The following RFC1 variants were observed in gnomAD, a reference collection of about 807,000 sequenced individuals.
The protein encoded by RFC1 is replication factor C subunit 1, also known as A1 140 kDa subunit.
A neutral mutation model predicts 137.4 loss-of-function variants in RFC1; 37 were observed. The observed-to-expected ratio is 0.27, with a 90% CI of 0.21 to 0.35. The LOEUF is 0.35. RFC1 is among the 10% of genes least tolerant of loss of function. The pLI is 1.00. For synonymous variants in RFC1, 429 were observed against 455.7 expected, an observed-to-expected ratio of 0.94 and a Z score of 0.75; for missense variants, 1,205 against 1,358.5, an observed-to-expected ratio of 0.89 and a Z score of 1.78.
Position 39,322,831 on chromosome 4 carries a change from C to T in RFC1, c.720+509G>A, listed in dbSNP as rs182676695. On this transcript the variant is annotated intron_variant, in intron 7 of 24. Coordinates refer to ENST00000349703, the MANE Select transcript of RFC1 (RefSeq NM_002913.5). ...AGGCATGGTAGCTCACATCTATAAT[C>T]CTAGCACTTTGAGAGGCTGAGGCAG... is the stretch of plus-strand genomic sequence containing the variant. Among the ~76,000 whole-genome samples the T allele has an allele frequency of 1.2e-3, 180 of 151,770 alleles. 1 individual carries two copies. The highest frequency in any genetic ancestry group is 2.2e-3 in the Admixed American group (33 of 15,246).
chr4:39,304,090 C>T (rs1738510213), intron 15 of RFC1, among the ~76,000 whole-genome samples: 1 of 152,212 alleles, frequency 6.6e-6, no homozygotes, highest in Admixed American at 6.5e-5. Context: ...CCACCAGCCA[C>T]GTCTAAGAGT....
At chr4:39,322,545 A>C (rs1301329013) in intron 7 of RFC1, 2 of 152,246 alleles carry the variant, frequency 1.3e-5, no homozygotes, top group African/African-American at 4.8e-5. Context: ...GAAGTTATTA[A>C]ACTTGTGTTC....
Position 39,355,098 on chromosome 4 carries a change from TACACACACACAC to T in RFC1, c.4-3634_4-3623del, listed in dbSNP as rs59438877. ...CTCATCTCAAAAAAAAAAAAAAAAA[TACACACACACAC>T]ACACACACACACACACACACACACA... On this transcript the variant is annotated intron_variant, in intron 1 of 24. Coordinates refer to ENST00000349703, the MANE Select transcript of RFC1 (RefSeq NM_002913.5). Among the ~76,000 whole-genome samples the T allele has an allele frequency of 6.0e-3, 532 of 88,946 alleles. 10 individuals are homozygous for T. In the South Asian group the frequency reaches 0.061, roughly 10 times the overall value. 58.4% of individuals were successfully genotyped at this position (88,946 alleles called of 152,430 possible). A position where few individuals can be genotyped will look rare whatever the true frequency, so the allele number is the denominator to read the frequency against.
chr4:39,308,828 C>T lies in RFC1; in HGVS notation c.1693G>A (p.Gly565Ser). ...GCCAAATTCCTAGCCTTGCTGTCAC[C>T]ACTTGTCTCCTCAGCCACCTGCTCC... Reference protein sequence around the residue: ...FKEQVAEETSGDSKARNLADD... With the variant: ...FKEQVAEETSSDSKARNLADD... The change falls in exon 13 of 25, where the codon GGT becomes AGT. Residue 565 changes from glycine to serine, a missense_variant. Physicochemically the swap from Gly to Ser is moderately conservative, Grantham distance 56. Coordinates refer to ENST00000349703, the MANE Select transcript of RFC1 (RefSeq NM_002913.5). 1 of 1,614,186 alleles carries T rather than the reference C, an allele frequency of 6.2e-7. No individual in the cohort carries two copies. The highest frequency in any genetic ancestry group is 2.2e-5 in the East Asian group (1 of 44,886).
At chr4:39,321,747 C>T (rs993477815) in intron 7 of RFC1, 20 of 156,308 alleles carry the variant, frequency 1.3e-4, no homozygotes, top group Admixed American at 5.8e-4. Context: ...AACAAAAGCT[C>T]GAAAGAAAAT....
At chr4:39,351,525 A>G in intron 1 of RFC1, 49 bp from the exon 2 acceptor site, 2 of 1,456,626 alleles carry the variant, frequency 1.4e-6, no homozygotes, top group Non-Finnish European at 1.8e-6. Context: ...ACCGCATAAA[A>G]TTATAACTTC....
intron 1 of RFC1, among the ~76,000 whole-genome samples, chr4:39,364,080 T>TAAAAAA (rs34471101): frequency 8.1e-6 from 1 of 122,916 alleles, no homozygotes; most frequent in Admixed American, 8.8e-5. Flanking sequence ...ACCTTGCCTT[T>TAAAAAA]AAAAAAAAAA....
intron 13 of RFC1, among the ~76,000 whole-genome samples, chr4:39,308,029 A>G (rs962635446): frequency 6.6e-6 from 1 of 152,200 alleles, no homozygotes; most frequent in African/African-American, 2.4e-5. Flanking sequence ...GACAAATAAT[A>G]CATCATAAAC....
At chr4:39,364,244 T>C (rs1209905601) in intron 1 of RFC1, among the ~76,000 whole-genome samples, 1 of 141,274 alleles carries the variant, frequency 7.1e-6, no homozygotes, top group Non-Finnish European at 1.5e-5. Context: ...CTGTCCTTCA[T>C]ACCCAACGAC....
intron 8 of RFC1, 127 bp from the exon 9 acceptor site, chr4:39,320,796 G>T: frequency 1.3e-6 from 1 of 762,176 alleles, no homozygotes; most frequent in East Asian, 3.0e-5. Flanking sequence ...GTCCTAAAGT[G>T]TCAAGACCAT....
At chr4:39,338,454 A>G (rs1057122017) in intron 4 of RFC1, among the ~76,000 whole-genome samples, 1 of 152,224 alleles carries the variant, frequency 6.6e-6, no homozygotes, top group African/African-American at 2.4e-5. Flanking sequence ...ATAAAATTTC[A>G]AATTTTCTCA....
At chr4:39,291,355 T>A (rs1205331671) in intron 23 of RFC1, among the ~76,000 whole-genome samples, 1 of 152,220 alleles carries the variant, frequency 6.6e-6, no homozygotes, top group Non-Finnish European at 1.5e-5. Context: ...CATCCACTCA[T>A]CCTTTATAAA....
In RFC1 at chr4:39,312,737, C is replaced by T. The variant is rs1739019433; in HGVS notation, c.1383+15G>A. On this transcript the variant is annotated intron_variant, in intron 11 of 24. Transcript: ENST00000349703. ...GCAGGAGGTGTCATGGTGTTGAGAA[C>T]AAAGCAGTACCCACCTTATCACTCT... is the stretch of plus-strand genomic sequence containing the variant. 1.2e-6 allele frequency: 2 copies of T among 1,609,190 alleles called. No homozygotes were observed. The highest frequency in any genetic ancestry group is 1.7e-6 in the Non-Finnish European group (2 of 1,176,890).
intron 1 of RFC1, among the ~76,000 whole-genome samples, chr4:39,351,966 CAA>C (rs570668838): frequency 2.1e-4 from 12 of 57,832 alleles, no homozygotes; most frequent in Admixed American, 3.9e-4. Flanking sequence ...GACTCCGTCT[CAA>C]AAAAAAAAAA....
At chr4:39,351,043 G>A (rs1741159622) in intron 2 of RFC1, among the ~76,000 whole-genome samples, 2 of 152,068 alleles carry the variant, frequency 1.3e-5, no homozygotes, top group African/African-American at 2.4e-5. Flanking sequence ...GAGGTCAGGA[G>A]ATCGAGACCA....
intron 1 of RFC1, among the ~76,000 whole-genome samples, chr4:39,352,216 C>T (rs1741244647): frequency 6.6e-6 from 1 of 152,004 alleles, no homozygotes; most frequent in African/African-American, 2.4e-5. Flanking sequence ...ACATATACTC[C>T]AGTATGAAAG....
At chr4:39,316,193 G>A (rs1739233247) in intron 10 of RFC1, among the ~76,000 whole-genome samples, 1 of 152,210 alleles carries the variant, frequency 6.6e-6, no homozygotes. Flanking sequence ...TTGCGCCACT[G>A]CACTCCAGCC....
chr4:39,300,393 T>C lies in RFC1; in HGVS notation c.2557A>G (p.Lys853Glu), dbSNP rs1438073765. 6.2e-7 allele frequency: 1 copy of C among 1,614,038 alleles called. No homozygotes were observed. The highest frequency in any genetic ancestry group is 8.5e-7 in the Non-Finnish European group (1 of 1,179,974). ...IKMGPFDVARKVFAAGEETAH... is the reference protein window; with the variant it reads ...IKMGPFDVAREVFAAGEETAH... ...GTCTCCTCTCCAGCTGCAAACACTT[T>C]CCGGGCAACATCAAATGGGCCCTGA... is the stretch of plus-strand genomic sequence containing the variant. Residue 853 changes from lysine (K) to glutamate (E), a missense_variant, in exon 20 of 25, where the codon AAA becomes GAA. Lys to Glu is a moderately conservative substitution (Grantham distance 56, BLOSUM62 1). This residue lies in a region of RFC1 where 962 missense variants were observed against 1,035.3 expected (regional missense o/e 0.93). Transcript: ENST00000349703.
chr4:39,360,317 A>G (rs1741689808), intron 1 of RFC1, among the ~76,000 whole-genome samples: 1 of 152,076 alleles, frequency 6.6e-6, no homozygotes, highest in Non-Finnish European at 1.5e-5. Context: ...CCTGGCCAAT[A>G]TGGGGAAACC....
Sources: allele counts gnomAD v4.1 joint callset (sites outside exome capture counted in the v4.1 genomes callset), GRCh38; gene constraint gnomAD v4.1.1; regional missense constraint gnomAD v4.1.1; transcripts MANE v1.5; gene names NCBI Gene and HGNC (gene_info 2026-07-23, HGNC 2026-07-21).